The following BICD1 variants were observed in gnomAD, a reference collection of about 807,000 sequenced individuals.
BICD1 encodes the protein BICD cargo adaptor 1.
A neutral mutation model predicts 92.5 loss-of-function variants in BICD1; 35 were observed. The observed-to-expected ratio is 0.38, with a 90% CI of 0.29 to 0.50. BICD1 has a LOEUF of 0.50. BICD1 is among the 20% of genes least tolerant of loss of function. BICD1 has a pLI of 0.93. For missense variants in BICD1, 950 were observed against 1,189.8 expected (o/e 0.80, Z 2.97); for synonymous variants, 429 against 465.1 (o/e 0.92, Z 1.00).
At chr12:32,214,517 G>C (rs1258495789) in intron 1 of BICD1, among the ~76,000 whole-genome samples, 1 of 151,980 alleles carries the variant, frequency 6.6e-6, no homozygotes, top group Non-Finnish European at 1.5e-5. Flanking sequence ...TTTCCTTTTA[G>C]ATATCTCTTT....
At chr12:32,221,192 A>G (rs1004219437) in intron 2 of BICD1, among the ~76,000 whole-genome samples, 3 of 151,680 alleles carry the variant, frequency 2.0e-5, no homozygotes, top group African/African-American at 4.8e-5. Context: ...ATGTATACAT[A>G]TGTAACTAAC....
intron 4 of BICD1, among the ~76,000 whole-genome samples, chr12:32,315,965 G>A (rs571050593): frequency 6.6e-6 from 1 of 151,928 alleles, no homozygotes; most frequent in South Asian, 2.1e-4. Flanking sequence ...GTGAAACCCC[G>A]TCTCTACTAA....
intron 1 of BICD1, among the ~76,000 whole-genome samples, chr12:32,174,902 T>G (rs1294582142): frequency 6.6e-6 from 1 of 152,254 alleles, no homozygotes; most frequent in Non-Finnish European, 1.5e-5. Flanking sequence ...TATTTCTGTT[T>G]ATTCAAACCT....
chr12:32,182,709 A>ACCAATAG (rs1466871009), intron 1 of BICD1, among the ~76,000 whole-genome samples: 1 of 151,776 alleles, frequency 6.6e-6, no homozygotes, highest in Non-Finnish European at 1.5e-5. Context: ...CAAATACATA[A>ACCAATAG]TGGTAGTATT....
intron 2 of BICD1, among the ~76,000 whole-genome samples, chr12:32,234,064 C>G (rs958629407): frequency 5.3e-5 from 8 of 152,084 alleles, no homozygotes; most frequent in Admixed American, 4.6e-4. Context: ...TAATGCATAT[C>G]CAACAAAAAT....
chr12:32,249,289 A>T (rs1565617293), intron 2 of BICD1, among the ~76,000 whole-genome samples: 2 of 152,244 alleles, frequency 1.3e-5, no homozygotes, highest in Non-Finnish European at 2.9e-5. Context: ...GCCTTAAATC[A>T]CAAGAAGCCC....
At chr12:32,116,405 C>T (rs2121180792) in intron 1 of BICD1, among the ~76,000 whole-genome samples, 1 of 151,618 alleles carries the variant, frequency 6.6e-6, no homozygotes, top group East Asian at 1.9e-4. Context: ...CAAGATAGTC[C>T]ACCTTATTTT....
intron 2 of BICD1, among the ~76,000 whole-genome samples, chr12:32,243,290 T>TTTTTTTTTTTTG (rs1946286181): frequency 6.8e-6 from 1 of 146,364 alleles, no homozygotes; most frequent in Admixed American, 6.8e-5. Context: ...TTTTTTGTAT[T>TTTTTTTTTTTTG]TTTGGTAGAG....
At chr12:32,333,431 A>T (rs949034607) in intron 5 of BICD1, among the ~76,000 whole-genome samples, 1 of 152,236 alleles carries the variant, frequency 6.6e-6, no homozygotes, top group Non-Finnish European at 1.5e-5. Context: ...ACATTGATTT[A>T]ATTAAGAAAG....
intron 2 of BICD1, among the ~76,000 whole-genome samples, chr12:32,292,076 G>A (rs1947740519): frequency 2.0e-5 from 3 of 152,142 alleles, no homozygotes; most frequent in South Asian, 2.1e-4. Flanking sequence ...CAAAGTCTGG[G>A]TGGCTTTAAA....
intron 2 of BICD1, among the ~76,000 whole-genome samples, chr12:32,256,080 T>A (rs949004470): frequency 1.3e-5 from 2 of 152,064 alleles, no homozygotes; most frequent in African/African-American, 4.8e-5. Context: ...AGAGGTAGGG[T>A]CTCACTCTGT....
chr12:32,229,228 G>A (rs547570553), intron 2 of BICD1, among the ~76,000 whole-genome samples: 1 of 152,240 alleles, frequency 6.6e-6, no homozygotes, highest in South Asian at 2.1e-4. Flanking sequence ...TCCAGTCTTG[G>A]CGACAGAGCA....
At chr12:32,368,593 G>A (rs1017518178) in intron 9 of BICD1, among the ~76,000 whole-genome samples, 11 of 152,162 alleles carry the variant, frequency 7.2e-5, no homozygotes, top group Admixed American at 2.0e-4. Context: ...TACTCAGGAG[G>A]CTGAGGCAGG....
chr12:32,182,565 G>A (rs1235200709), intron 1 of BICD1, among the ~76,000 whole-genome samples: 1 of 151,672 alleles, frequency 6.6e-6, no homozygotes, highest in Non-Finnish European at 1.5e-5. Context: ...ATATAGGCAT[G>A]AGCCACCATG....
intron 1 of BICD1, among the ~76,000 whole-genome samples, chr12:32,210,276 A>G (rs1043887764): frequency 6.6e-6 from 1 of 152,180 alleles, no homozygotes; most frequent in Non-Finnish European, 1.5e-5. Context: ...AATCAAAAGT[A>G]TTTTGTCTAA....
intron 1 of BICD1, among the ~76,000 whole-genome samples, chr12:32,198,513 C>T (rs1263752791): frequency 6.9e-6 from 1 of 145,976 alleles, no homozygotes; most frequent in Non-Finnish European, 1.5e-5. Context: ...GCTGAGTGTT[C>T]TTGCTTGTTA....
At chr12:32,172,588 GA>G (rs1306314308) in intron 1 of BICD1, among the ~76,000 whole-genome samples, 1 of 152,112 alleles carries the variant, frequency 6.6e-6, no homozygotes, top group African/African-American at 2.4e-5. Context: ...TAAAGGAGTG[GA>G]AAGCTCCCAA....
intron 8 of BICD1, among the ~76,000 whole-genome samples, chr12:32,349,651 A>G (rs1938780831): frequency 9.6e-6 from 1 of 104,340 alleles, no homozygotes; most frequent in South Asian, 2.7e-4. Context: ...TATGCTTATA[A>G]CAGCATACTA....
intron 8 of BICD1, among the ~76,000 whole-genome samples, chr12:32,361,356 G>A (rs562187378): frequency 6.6e-6 from 1 of 152,058 alleles, no homozygotes; most frequent in South Asian, 2.1e-4. Flanking sequence ...AGGAGTTCGA[G>A]ACCAGCCTGG....
Sources: allele counts gnomAD v4.1 joint callset (sites outside exome capture counted in the v4.1 genomes callset), GRCh38; gene constraint gnomAD v4.1.1; transcripts MANE v1.5; gene names NCBI Gene and HGNC (gene_info 2026-07-23, HGNC 2026-07-21).